Variants in RERE observed in about 807,000 individuals in gnomAD.
RERE encodes the protein arginine-glutamic acid dipeptide repeats, also known as arginine-glutamic acid dipeptide repeats protein.
A neutral mutation model predicts 146.1 loss-of-function variants in RERE; 40 were observed. The observed-to-expected ratio is 0.27, with a 90% CI of 0.21 to 0.36. The LOEUF is 0.36. Among genes scored for constraint, RERE ranks in the 10% least tolerant of loss-of-function variants. The probability of loss-of-function intolerance (pLI) is 1.00; values close to 1 mark genes in which losing one functional copy is unlikely to be tolerated. For missense variants in RERE, 1,933 were observed against 2,138.7 expected (o/e 0.90, Z 1.90); for synonymous variants, 1,003 against 866.0 (o/e 1.16, Z -2.78).
intron 2 of RERE, among the ~76,000 whole-genome samples, chr1:8,635,636 AATGT>A (rs1443250859): frequency 6.6e-6 from 1 of 152,160 alleles, no homozygotes; most frequent in Non-Finnish European, 1.5e-5. Flanking sequence ...GCGAAGACAA[AATGT>A]ATGAGAACTT....
chr1:8,512,910 C>T, intron 7 of RERE: 1 of 152,576 alleles, frequency 6.6e-6, no homozygotes. Flanking sequence ...TTCCGGAGAG[C>T]CACTTCCTAG....
At chr1:8,551,060 GC>G (rs999988769) in intron 6 of RERE, among the ~76,000 whole-genome samples, 28 of 152,172 alleles carry the variant, frequency 1.8e-4, no homozygotes, top group African/African-American at 6.8e-4. Flanking sequence ...TCATCCTAAA[GC>G]ATCTTCCTAT....
chr1:8,659,350 C>T (rs1238320771), intron 1 of RERE, among the ~76,000 whole-genome samples: 2 of 152,152 alleles, frequency 1.3e-5, no homozygotes, highest in Non-Finnish European at 2.9e-5. Flanking sequence ...TGAGGTCAGG[C>T]GTTCGAAGCC....
intron 12 of RERE, among the ~76,000 whole-genome samples, chr1:8,400,074 A>G (rs993477443): frequency 6.6e-6 from 1 of 152,128 alleles, no homozygotes; most frequent in Non-Finnish European, 1.5e-5. Context: ...GTGGTGGTCC[A>G]TAGGAATACT....
chr1:8,410,129 C>T (rs1643571992), intron 12 of RERE, among the ~76,000 whole-genome samples: 1 of 152,110 alleles, frequency 6.6e-6, no homozygotes, highest in Admixed American at 6.5e-5. Context: ...CACTGATGCA[C>T]ACCCAGGAGG....
intron 12 of RERE, among the ~76,000 whole-genome samples, chr1:8,402,148 T>G (rs552538062): frequency 6.6e-6 from 1 of 152,230 alleles, no homozygotes; most frequent in East Asian, 1.9e-4. Flanking sequence ...ATTACAGGAG[T>G]GAGCCGCTGC....
chr1:8,586,133 A>G, intron 4 of RERE, among the ~76,000 whole-genome samples: 1 of 152,210 alleles, frequency 6.6e-6, no homozygotes, highest in East Asian at 1.9e-4. Flanking sequence ...TCTAGGTCAA[A>G]TGACTTGGAA....
rs763242601 is a variant in RERE, at chr1:8,358,206, G to A, written c.4329C>T (p.Pro1443=). The change falls in exon 20 of 23, where the codon CCC becomes CCT. Residue 1443 remains proline, a synonymous_variant. Transcript: ENST00000400908. ...HSHLHLHQQD[P]LHQGSAGPVH... ...CGCTGGGGCACGCACCTTGGTGGAGGGGGTCCTGCTGGTGGAGGTGGAGGT... is the reference window on the plus strand; with the variant it reads ...CGCTGGGGCACGCACCTTGGTGGAGAGGGTCCTGCTGGTGGAGGTGGAGGT... The A allele has an allele frequency of 2.5e-6, 4 of 1,592,318 alleles. No homozygotes were observed. The highest frequency in any genetic ancestry group is 2.3e-5 in the East Asian group (1 of 44,330).
chr1:8,492,048 C>T (rs529964703), intron 10 of RERE, among the ~76,000 whole-genome samples: 3 of 152,114 alleles, frequency 2.0e-5, no homozygotes, highest in Non-Finnish European at 4.4e-5. Context: ...CTGAAGTTTT[C>T]GGAGTCAGTT....
chr1:8,783,424 A>G (rs939254960), intron 1 of RERE, among the ~76,000 whole-genome samples: 1 of 152,210 alleles, frequency 6.6e-6, no homozygotes, highest in African/African-American at 2.4e-5. Flanking sequence ...CTACTAGCAA[A>G]TGGATGAAGC....
intron 12 of RERE, among the ~76,000 whole-genome samples, chr1:8,391,229 G>C (rs1642874145): frequency 6.6e-6 from 1 of 152,240 alleles, no homozygotes; most frequent in South Asian, 2.1e-4. Context: ...GACTGCCTGA[G>C]AGTAAATCCC....
chr1:8,579,631 A>C (rs769274030), intron 4 of RERE, among the ~76,000 whole-genome samples: 2 of 152,268 alleles, frequency 1.3e-5, no homozygotes, highest in Non-Finnish European at 2.9e-5. Context: ...TCTGGTAACT[A>C]TAACTCAAAT....
chr1:8,772,277 C>G (rs912442920), intron 1 of RERE, among the ~76,000 whole-genome samples: 2 of 151,956 alleles, frequency 1.3e-5, no homozygotes, highest in African/African-American at 4.8e-5. Flanking sequence ...TGGACTGAAA[C>G]TTACTGCTAC....
At chr1:8,394,532 T>G (rs897081918) in intron 12 of RERE, among the ~76,000 whole-genome samples, 1 of 151,800 alleles carries the variant, frequency 6.6e-6, no homozygotes, top group Non-Finnish European at 1.5e-5. Flanking sequence ...ACAGCGGGAG[T>G]GGAAAAGGAA....
chr1:8,732,563 G>A (rs1464706572), intron 1 of RERE, among the ~76,000 whole-genome samples: 1 of 152,000 alleles, frequency 6.6e-6, no homozygotes, highest in African/African-American at 2.4e-5. Flanking sequence ...CTATTCTGCA[G>A]GATACTGTAA....
Position 8,577,995 on chromosome 1 carries a change from G to C in RERE, c.523-20472C>G, listed in dbSNP as rs143819018. Among the ~76,000 whole-genome samples the C allele has an allele frequency of 8.0e-3, 1,215 of 152,244 alleles. 13 individuals carry two copies. Among genetic ancestry groups the C allele is most frequent in the African/African-American group, 0.028 (1,161 of 41,548 alleles). ...AGTCCCAGCTGCTCAGGAAGCTGAG[G>C]CAGGAGAATGGCTTGAACCTGGGAG... is the stretch of plus-strand genomic sequence containing the variant. On this transcript the variant is annotated intron_variant, in intron 4 of 22. Coordinates refer to ENST00000400908, the MANE Select transcript of RERE (RefSeq NM_001042681.2).
chr1:8,433,136 C>G (rs1241186837), intron 11 of RERE, among the ~76,000 whole-genome samples: 1 of 152,158 alleles, frequency 6.6e-6, no homozygotes, highest in Non-Finnish European at 1.5e-5. Flanking sequence ...TAACTACATC[C>G]CCCGTACTGG....
chr1:8,621,035 G>A (rs1646909994), intron 3 of RERE, among the ~76,000 whole-genome samples: 1 of 152,000 alleles, frequency 6.6e-6, no homozygotes, highest in African/African-American at 2.4e-5. Flanking sequence ...ACCTACCAGT[G>A]TAGGACGGTG....
At chr1:8,378,024 C>T (rs889241181) in intron 12 of RERE, among the ~76,000 whole-genome samples, 2 of 152,130 alleles carry the variant, frequency 1.3e-5, no homozygotes, top group African/African-American at 2.4e-5. Flanking sequence ...TATGGATGCA[C>T]AGCAAATTAT....
Sources: allele counts gnomAD v4.1 joint callset (sites outside exome capture counted in the v4.1 genomes callset), GRCh38; gene constraint gnomAD v4.1.1; transcripts MANE v1.5; gene names NCBI Gene and HGNC (gene_info 2026-07-23, HGNC 2026-07-21).